The following MYH15 variants were observed in gnomAD, a reference collection of about 807,000 sequenced individuals.
MYH15 encodes myosin heavy chain 15.
A neutral mutation model predicts 240.5 loss-of-function variants in MYH15; 227 were observed. The ratio of observed to expected loss-of-function variants is 0.94; its 90% CI spans 0.85 to 1.05. The LOEUF is 1.05. Ranked by LOEUF, MYH15 falls within the 50% of genes least tolerant of loss-of-function variation. The pLI is 0.00. For missense variants in MYH15, 2,217 were observed against 2,247.5 expected (o/e 0.99, Z 0.27); for synonymous variants, 785 against 796.7 (o/e 0.99, Z 0.25).
rs888397098 is a variant in MYH15, at chr3:108,450,153, C to T, written c.2399+3853G>A. ...ATTATGGAAAACAGTATGAAGGCTC[C>T]TCAAAAAATTAAAAATGGAACTACC... is the stretch of plus-strand genomic sequence containing the variant. On this transcript the variant is annotated intron_variant, in intron 21 of 40. Coordinates refer to ENST00000693548, the MANE Select transcript of MYH15 (RefSeq NM_014981.3). Among the ~76,000 whole-genome samples, 57 of 151,936 alleles carry T rather than the reference C, an allele frequency of 3.8e-4. 1 individual carries two copies. The highest frequency in any genetic ancestry group is 2.6e-3 in the Admixed American group (39 of 15,256).
intron 24 of MYH15, among the ~76,000 whole-genome samples, chr3:108,438,158 T>A (rs1325002406): frequency 6.6e-6 from 1 of 152,206 alleles, no homozygotes. Context: ...TTCCGCATGA[T>A]CATCCTTAAT....
chr3:108,410,122 G>A (rs983806196), intron 31 of MYH15, among the ~76,000 whole-genome samples: 2 of 152,036 alleles, frequency 1.3e-5, no homozygotes, highest in African/African-American at 4.8e-5. Flanking sequence ...TCATTTTACA[G>A]ATGAGAAAAC....
At chr3:108,428,466 C>A in intron 27 of MYH15, 26 bp downstream of exon 27, 1 of 1,576,556 alleles carries the variant, frequency 6.3e-7, no homozygotes, top group South Asian at 1.2e-5. Context: ...TTCAGAAGAC[C>A]ACGAGGATGG....
At position 108,499,455 on chromosome 3, in the gene MYH15, G is replaced by A. The variant is rs202126707; in HGVS notation, c.524C>T (p.Thr175Ile). 3.9e-4 allele frequency: 631 copies of A among 1,612,914 alleles called. 3 individuals are homozygous for A. The highest frequency in any genetic ancestry group is 2.2e-3 in the Admixed American group (130 of 59,888). Reference protein sequence around the residue: ...HNRENQSILFTGESGAGKTVN... With the variant: ...HNRENQSILFIGESGAGKTVN... ...AAAGAAAAACAAGGCAAACACTTACGTGAAGAGTATAGACTGATTTTCTCG... is the reference window on the plus strand; with the variant it reads ...AAAGAAAAACAAGGCAAACACTTACATGAAGAGTATAGACTGATTTTCTCG... The change falls in exon 5 of 41, where the codon ACA becomes ATA. Residue 175 changes from threonine (T) to isoleucine (I), a missense_variant and splice_region_variant. By Grantham distance (89) the Thr-to-Ile change is moderately conservative. Coordinates refer to ENST00000693548, the MANE Select transcript of MYH15 (RefSeq NM_014981.3).
chr3:108,491,231 T>A (rs2083344603), intron 9 of MYH15, among the ~76,000 whole-genome samples: 1 of 152,124 alleles, frequency 6.6e-6, no homozygotes, highest in Non-Finnish European at 1.5e-5. Context: ...TCTTCCATAC[T>A]AGACTATAAG....
At chr3:108,546,733 A>G in the MYH15 span, among the ~76,000 whole-genome samples, 14 of 152,278 alleles carry the variant, frequency 9.2e-5, no homozygotes, top group Non-Finnish European at 1.9e-4. Flanking sequence ...AATGTGCAAA[A>G]AAAGGTGAGT....
rs2107595687 is a variant in MYH15 at position 108,485,096 on chromosome 3, G to A, written c.1109C>T (p.Thr370Ile). Residue 370 changes from threonine to isoleucine, a missense_variant, in exon 11 of 41, where the codon ACA (threonine) becomes ATA (isoleucine). Thr to Ile is a moderately conservative substitution (Grantham distance 89). Coordinates refer to ENST00000693548, the MANE Select transcript of MYH15 (RefSeq NM_014981.3). ...PREEQLEADGTENADKAAFLM... is the reference protein window; with the variant it reads ...PREEQLEADGIENADKAAFLM... ...ATCTTCAAAGTAATTCTTACTTTCT[G>A]TGCCATCTGCTTCCAGTTGCTCTTC... 6.2e-7 allele frequency: 1 copy of A among 1,613,914 alleles called. No individual in the cohort carries two copies. The highest frequency in any genetic ancestry group is 1.1e-5 in the South Asian group (1 of 91,050).
intron 21 of MYH15, among the ~76,000 whole-genome samples, chr3:108,447,064 T>C (rs1207597443): frequency 6.6e-6 from 1 of 152,040 alleles, no homozygotes; most frequent in Non-Finnish European, 1.5e-5. Flanking sequence ...AATTCTGGAA[T>C]TGAAGAACAA....
Position 108,418,637 on chromosome 3 carries a change from C to CT in MYH15, c.3830-1708dup, listed in dbSNP as rs35597878. Among the ~76,000 whole-genome samples the CT allele has an allele frequency of 9.5e-3, 1,380 of 144,618 alleles. 15 individuals are homozygous for CT. The highest frequency in any genetic ancestry group is 0.028 in the African/African-American group (1,108 of 39,686). The allele number at this position is 144,618 out of a possible 152,430, so 94.9% of individuals were successfully genotyped here. The stretch of plus-strand genomic sequence containing the variant: ...GTATTTGGATGAAAACATCTTGTGG[C>CT]TTTTTTTTTTTTTGACAGAGTTTTA... On this transcript the variant is annotated intron_variant, in intron 28 of 40. Transcript: ENST00000693548.
intron 1 of MYH15, among the ~76,000 whole-genome samples, chr3:108,526,225 C>T (rs958649598): frequency 1.3e-5 from 2 of 152,096 alleles, no homozygotes; most frequent in Admixed American, 6.6e-5. Context: ...ATGCCACCAA[C>T]AAGTACATTA....
chr3:108,414,307 T>C lies in MYH15; in HGVS notation c.4070A>G (p.Asn1357Ser), dbSNP rs1267055483. Residue 1357 changes from asparagine (N) to serine (S), a missense_variant, in exon 30 of 41, where the codon AAT (asparagine) becomes AGT (serine). By Grantham distance (46) the Asn-to-Ser change is conservative. Coordinates refer to ENST00000693548, the MANE Select transcript of MYH15 (RefSeq NM_014981.3). ...AELHRTLSKV[N>S]AEMVQWRMKY... Reference sequence around the variant, plus strand: ...CATTCTCCATTGCACCATTTCAGCATTGACTTTGGATAAGGTCCGGTGCAG... The same window carrying C: ...CATTCTCCATTGCACCATTTCAGCACTGACTTTGGATAAGGTCCGGTGCAG... 4.3e-6 allele frequency: 7 copies of C among 1,614,090 alleles called. No individual in the cohort carries two copies. The East Asian group carries it at 6.7e-5, about 15-fold the overall frequency.
intron 1 of MYH15, among the ~76,000 whole-genome samples, chr3:108,507,853 G>T (rs2083490075): frequency 6.6e-6 from 1 of 152,106 alleles, no homozygotes; most frequent in Admixed American, 6.5e-5. Flanking sequence ...TTATGTCTAT[G>T]AAAATATGCT....
chr3:108,405,276 G>A (rs2082538014), intron 33 of MYH15, 62 bp downstream of exon 33: 2 of 948,436 alleles, frequency 2.1e-6, no homozygotes, highest in Non-Finnish European at 3.0e-6. Context: ...GACATAATGA[G>A]CTCTGTTTAG....
rs113633882 is a variant in MYH15, at chr3:108,430,206, G to C, written c.3312+626C>G. On this transcript the variant is annotated intron_variant, in intron 26 of 40. Transcript: ENST00000693548. Reference sequence around the variant, plus strand: ...CAGAAAGATGTTCCAAAATTATTTTGAGTCATGGTTATATTACTAAGATAT... The same window carrying C: ...CAGAAAGATGTTCCAAAATTATTTTCAGTCATGGTTATATTACTAAGATAT... 1.5e-3 allele frequency among the ~76,000 whole-genome samples: 229 copies of C among 152,270 alleles called. 1 individual carries two copies. The highest frequency in any genetic ancestry group is 5.3e-3 in the African/African-American group (222 of 41,552).
At chr3:108,392,621 G>A (rs1390143647) in intron 36 of MYH15, among the ~76,000 whole-genome samples, 1 of 152,192 alleles carries the variant, frequency 6.6e-6, no homozygotes, top group Non-Finnish European at 1.5e-5. Flanking sequence ...GAATTTAAGT[G>A]TGAGACTTCT....
Position 108,398,847 on chromosome 3 carries a change from G to A in MYH15, c.4930-7C>T, listed in dbSNP as rs13087507. ...CCAGCTGCATTTGAAGGTCCTGGGA[G>A]AGAAAAGATGGGTCTGGAGTACAGA... is the stretch of plus-strand genomic sequence containing the variant. On this transcript the variant is annotated splice_region_variant and splice_polypyrimidine_tract_variant and intron_variant, in intron 34 of 40. Coordinates refer to ENST00000693548, the MANE Select transcript of MYH15 (RefSeq NM_014981.3). 0.28 allele frequency: 454,691 copies of A among 1,613,574 alleles called. 67,278 individuals are homozygous for A. Among genetic ancestry groups the A allele is most frequent in the Non-Finnish European group, 0.31 (364,422 of 1,179,642 alleles).
chr3:108,457,006 A>G (rs989291041), intron 18 of MYH15, 123 bp from the exon 19 acceptor site: 5 of 690,108 alleles, frequency 7.2e-6, no homozygotes, highest in African/African-American at 5.4e-5. Flanking sequence ...TCCACATGAT[A>G]GGTCATAGAT....
chr3:108,539,330 G>T, the MYH15 span, among the ~76,000 whole-genome samples: 1 of 152,292 alleles, frequency 6.6e-6, no homozygotes, highest in Middle Eastern at 3.4e-3. Context: ...AGTTTGAGGA[G>T]GAGGGAATGA....
intron 38 of MYH15, among the ~76,000 whole-genome samples, chr3:108,385,304 C>T (rs1033625860): frequency 6.6e-6 from 1 of 152,208 alleles, no homozygotes; most frequent in Non-Finnish European, 1.5e-5. Flanking sequence ...TTCCTTTGAA[C>T]TTTCTAATTG....
Sources: allele counts gnomAD v4.1 joint callset (sites outside exome capture counted in the v4.1 genomes callset), GRCh38; gene constraint gnomAD v4.1.1; transcripts MANE v1.5; gene names NCBI Gene and HGNC (gene_info 2026-07-23, HGNC 2026-07-21).